Variants in CELF4 observed in about 807,000 individuals in gnomAD.
CELF4 encodes the protein CUG-BP- and ETR-3-like factor 4.
CELF4 carries 18 observed loss-of-function variants against 59.9 expected under a neutral mutation model. That is an observed-to-expected ratio of 0.30 (90% CI 0.21 to 0.45). The LOEUF is 0.45. Ranked by LOEUF, CELF4 falls within the 20% of genes least tolerant of loss-of-function variation. The pLI is 1.00. For synonymous variants in CELF4, 261 were observed against 267.1 expected, an observed-to-expected ratio of 0.98 and a Z score of 0.22; for missense variants, 456 against 689.0, an observed-to-expected ratio of 0.66 and a Z score of 3.79.
chr18:37,541,489 C>G lies in CELF4; in HGVS notation c.286+23867G>C, dbSNP rs113810292. ...CCACCATTGCTCCTCTGGCTGCCCC[C>G]CTCCGTGTCTGCTCTCCTATAGCAG... On this transcript the variant is annotated intron_variant, in intron 1 of 12. Coordinates refer to ENST00000420428, the MANE Select transcript of CELF4 (RefSeq NM_020180.4). Among the ~76,000 whole-genome samples the G allele has an allele frequency of 2.1e-3, 326 of 152,274 alleles. 1 individual carries two copies. Among genetic ancestry groups the G allele is most frequent in the African/African-American group, 6.5e-3 (268 of 41,540 alleles).
At chr18:37,322,371 C>T (rs2154522488) in intron 2 of CELF4, among the ~76,000 whole-genome samples, 1 of 152,372 alleles carries the variant, frequency 6.6e-6, no homozygotes, top group South Asian at 2.1e-4. Flanking sequence ...GCAGAAGTGG[C>T]CTATGGGTCA....
chr18:37,425,028 C>T (rs2099603223), intron 2 of CELF4, among the ~76,000 whole-genome samples: 1 of 152,232 alleles, frequency 6.6e-6, no homozygotes, highest in Non-Finnish European at 1.5e-5. Context: ...TAGCTCTCTG[C>T]CCCTCTCTGG....
intron 3 of CELF4, among the ~76,000 whole-genome samples, chr18:37,297,916 G>A (rs1030239264): frequency 1.3e-5 from 2 of 152,254 alleles, no homozygotes; most frequent in African/African-American, 4.8e-5. Flanking sequence ...TTAGCAGGCT[G>A]CCTTCTCCAG....
intron 10 of CELF4, among the ~76,000 whole-genome samples, chr18:37,262,195 G>A (rs546578382): frequency 4.6e-5 from 7 of 152,284 alleles, no homozygotes; most frequent in Non-Finnish European, 8.8e-5. Flanking sequence ...CCAGTGCCGC[G>A]CTCTCACCCG....
intron 3 of CELF4, among the ~76,000 whole-genome samples, chr18:37,310,329 A>T (rs995888930): frequency 6.6e-6 from 1 of 152,260 alleles, no homozygotes; most frequent in Admixed American, 6.5e-5. Flanking sequence ...TATCCAGTTC[A>T]GCAGGCCTAG....
At chr18:37,341,239 G>T (rs1445092903) in intron 2 of CELF4, among the ~76,000 whole-genome samples, 1 of 152,212 alleles carries the variant, frequency 6.6e-6, no homozygotes, top group African/African-American at 2.4e-5. Flanking sequence ...GGGGACAGCA[G>T]GTTGGGCTCT....
intron 2 of CELF4, among the ~76,000 whole-genome samples, chr18:37,406,692 A>G (rs968095604): frequency 3.1e-4 from 47 of 152,178 alleles, no homozygotes; most frequent in African/African-American, 1.1e-3. Flanking sequence ...CCAGGGTTGA[A>G]GAAAAGGAAA....
Position 37,406,391 on chromosome 18 carries a change from G to A in CELF4, c.369+79134C>T, listed in dbSNP as rs968697224. 2.6e-5 allele frequency among the ~76,000 whole-genome samples: 4 copies of A among 152,116 alleles called. No homozygotes were observed. The East Asian group carries it at 7.7e-4, about 29-fold the overall frequency. ...AGCTCACTAAAAACATGCCTTCTACGGGAAAGGTCTCTCTGCCTCCCACAT... is the reference window on the plus strand; with the variant it reads ...AGCTCACTAAAAACATGCCTTCTACAGGAAAGGTCTCTCTGCCTCCCACAT... On this transcript the variant is annotated intron_variant, in intron 2 of 12. Transcript: ENST00000420428.
chr18:37,421,632 C>A (rs190092229), intron 2 of CELF4, among the ~76,000 whole-genome samples: 3 of 152,236 alleles, frequency 2.0e-5, no homozygotes, highest in Non-Finnish European at 2.9e-5. Context: ...CTTTGGGGTA[C>A]CTGTGGCCTG....
At chr18:37,304,074 T>G (rs1483181306) in intron 3 of CELF4, among the ~76,000 whole-genome samples, 14 of 152,214 alleles carry the variant, frequency 9.2e-5, no homozygotes, top group Non-Finnish European at 1.5e-5. Context: ...GTGCTCTGAA[T>G]TTTTTTGAAC....
chr18:37,309,097 T>A (rs1003127126), intron 3 of CELF4, among the ~76,000 whole-genome samples: 1 of 152,080 alleles, frequency 6.6e-6, no homozygotes, highest in East Asian at 1.9e-4. Flanking sequence ...GGTGGGGGCA[T>A]GAGAAGCTAA....
chr18:37,296,890 C>G (rs999013771), intron 3 of CELF4, among the ~76,000 whole-genome samples: 1 of 152,170 alleles, frequency 6.6e-6, no homozygotes, highest in Admixed American at 6.5e-5. Context: ...CCCTTCACCC[C>G]CAAGGGCCAA....
At chr18:37,271,004 A>G (rs2090955922) in intron 7 of CELF4, 87 bp from the exon 8 acceptor site, 1 of 1,219,564 alleles carries the variant, frequency 8.2e-7, no homozygotes, top group Admixed American at 2.7e-5. Flanking sequence ...GCTTCACTCA[A>G]CTGTTTCCAA....
intron 10 of CELF4, among the ~76,000 whole-genome samples, chr18:37,260,614 A>G (rs531110303): frequency 2.0e-5 from 3 of 152,338 alleles, no homozygotes; most frequent in East Asian, 1.9e-4. Context: ...TCTGGGAGCC[A>G]TGAGGCTGCC....
At chr18:37,493,883 A>T (rs563193349) in intron 1 of CELF4, among the ~76,000 whole-genome samples, 1 of 152,272 alleles carries the variant, frequency 6.6e-6, no homozygotes, top group East Asian at 1.9e-4. Flanking sequence ...AGTGCGAATG[A>T]GTTTTGTTGA....
rs1434374510 is a variant in CELF4, at chr18:37,253,491, C to T, written c.*44+276G>A. 6.6e-6 allele frequency among the ~76,000 whole-genome samples: 1 copy of T among 152,182 alleles called. No individual in the cohort carries two copies. Among genetic ancestry groups the T allele is most frequent in the Non-Finnish European group, 1.5e-5 (1 of 68,022 alleles). Reference sequence around the variant, plus strand: ...GCCAACAGGACTGCCAATGTAGACCCGGAGGCGCAGGCCCAGGGCTCGCCT... The same window carrying T: ...GCCAACAGGACTGCCAATGTAGACCTGGAGGCGCAGGCCCAGGGCTCGCCT... On this transcript the variant is annotated intron_variant, in intron 12 of 12. Coordinates refer to ENST00000420428, the MANE Select transcript of CELF4 (RefSeq NM_020180.4). The surrounding 1 kb of genome is among the most constrained non-coding windows in gnomAD (Gnocchi z 4.5).
intron 1 of CELF4, among the ~76,000 whole-genome samples, chr18:37,507,373 A>C (rs976434874): frequency 6.6e-6 from 1 of 152,130 alleles, no homozygotes; most frequent in Non-Finnish European, 1.5e-5. Flanking sequence ...CTCTCTGTGC[A>C]TGTTCTTGTC....
intron 1 of CELF4, among the ~76,000 whole-genome samples, chr18:37,525,184 G>A (rs1384295129): frequency 6.6e-6 from 1 of 152,130 alleles, no homozygotes; most frequent in Non-Finnish European, 1.5e-5. Context: ...ATGGCACTGC[G>A]CTGGCCCGGC....
chr18:37,279,708 G>A (rs2093877573), intron 3 of CELF4, among the ~76,000 whole-genome samples: 1 of 152,230 alleles, frequency 6.6e-6, no homozygotes, highest in Non-Finnish European at 1.5e-5. Context: ...GGCCAGCAGG[G>A]CTGGCACACT....
Sources: gnomAD v4.1 joint callset for allele counts (sites outside exome capture counted in the v4.1 genomes callset) on GRCh38, gnomAD v4.1.1 for gene constraint, Gnocchi (gnomAD v3.1) non-coding constraint, MANE v1.5 for transcripts, NCBI Gene and HGNC (gene_info 2026-07-23, HGNC 2026-07-21) for gene names.